PHC1: variants seen among roughly 807,000 people sequenced by gnomAD.
The protein encoded by PHC1 is polyhomeotic homolog 1.
A neutral mutation model predicts 104.3 loss-of-function variants in PHC1; 12 were observed. The observed-to-expected ratio is 0.12, with a 90% CI of 0.07 to 0.19. PHC1 has a LOEUF of 0.19. Ranked by LOEUF, PHC1 falls within the 10% of genes least tolerant of loss-of-function variation. The pLI, the probability that PHC1 is intolerant of heterozygous loss-of-function variation, is 1.00. For missense variants in PHC1, 671 were observed against 1,200.0 expected (o/e 0.56, Z 6.51); for synonymous variants, 302 against 455.8 (o/e 0.66, Z 4.30).
chr12:8,922,868 GC>G, intron 6 of PHC1, 80 bp downstream of exon 6: 1 of 1,243,068 alleles, frequency 8.0e-7, no homozygotes, highest in Non-Finnish European at 1.1e-6. Context: ...CCACCCTTCT[GC>G]CCCATTACAC....
At chr12:8,938,785 A>G (rs1471630928) in intron 14 of PHC1, among the ~76,000 whole-genome samples, 2 of 151,920 alleles carry the variant, frequency 1.3e-5, no homozygotes. Context: ...TGGTTGAACA[A>G]TTTAGTTGCT....
At chr12:8,927,738 A>T (rs761298138) in intron 6 of PHC1, among the ~76,000 whole-genome samples, 1 of 152,294 alleles carries the variant, frequency 6.6e-6, no homozygotes, top group South Asian at 2.1e-4. Context: ...AGATAATATT[A>T]TGTGCTCTAG....
Position 8,939,472 on chromosome 12 carries a change from G to T in PHC1, c.*13G>T. The T allele has an allele frequency of 6.9e-7, 1 of 1,446,028 alleles. No homozygotes were observed. Among genetic ancestry groups the T allele is most frequent in the Non-Finnish European group, 9.5e-7 (1 of 1,056,444 alleles). 89.6% of individuals were successfully genotyped at this position (1,446,028 alleles called of 1,614,324 possible). On this transcript the variant is annotated 3_prime_UTR_variant, in exon 15 of 15. Transcript: ENST00000544916. ...CAAGGAGACCTAAGGTGGCCCTCTT[G>T]CACAAACCAGCCTAAGGCAGACACT... is the stretch of plus-strand genomic sequence containing the variant.
intron 7 of PHC1, among the ~76,000 whole-genome samples, chr12:8,931,529 G>A (rs986014055): frequency 2.6e-5 from 4 of 152,104 alleles, no homozygotes; most frequent in South Asian, 4.1e-4. Flanking sequence ...GTGAAACCCC[G>A]TCTCTACTAA....
At chr12:8,931,259 A>G (rs1327290726) in intron 7 of PHC1, among the ~76,000 whole-genome samples, 1 of 152,204 alleles carries the variant, frequency 6.6e-6, no homozygotes, top group Non-Finnish European at 1.5e-5. Flanking sequence ...TTTTCTAGGA[A>G]TTACTGGGGA....
At chr12:8,916,498 A>AT (rs1372308408) in intron 1 of PHC1, among the ~76,000 whole-genome samples, 2 of 152,156 alleles carry the variant, frequency 1.3e-5, no homozygotes, top group Non-Finnish European at 2.9e-5. Flanking sequence ...TAGCTTAACA[A>AT]AAGAGAAAAA....
chr12:8,930,819 A>G lies in PHC1; in HGVS notation c.997A>G (p.Ser333Gly), dbSNP rs1167045343. Residue 333 changes from serine (S) to glycine (G), a missense_variant, in exon 7 of 15, where the codon AGT (serine) becomes GGT (glycine). Physicochemically the swap from Ser to Gly is moderately conservative, Grantham distance 56. Transcript: ENST00000544916. The stretch of plus-strand genomic sequence containing the variant: ...CCAGGGCAGCCAGACAGAGGCAGAA[A>G]GTGCAGCAGCCAAGAAGGCAGAAGC... ...VSQGSQTEAE[S>G]AAAKKAEADG... The G allele has an allele frequency of 2.6e-6, 4 of 1,546,380 alleles. No individual in the cohort carries two copies. The highest frequency in any genetic ancestry group is 1.4e-5 in the African/African-American group (1 of 73,636).
intron 6 of PHC1, among the ~76,000 whole-genome samples, chr12:8,927,905 C>CT (rs1945571145): frequency 1.0e-5 from 1 of 100,460 alleles, no homozygotes; most frequent in Non-Finnish European, 1.9e-5. Context: ...TTCTTTCTTT[C>CT]TTTCTTTCTT....
chr12:8,930,732 T>A lies in PHC1; in HGVS notation c.910T>A (p.Cys304Ser). The change falls in exon 7 of 15, where the codon TGT becomes AGT. Residue 304 changes from cysteine to serine, a missense_variant. Around this residue, in one of 9 missense-constraint regions of PHC1, gnomAD observed 78 missense variants for 140.8 expected, o/e 0.55. Transcript: ENST00000544916. Reference protein sequence around the residue: ...LPSSGMGGGSCPRKGTGVVQP... With the variant: ...LPSSGMGGGSSPRKGTGVVQP... Reference sequence around the variant, plus strand: ...TTCCTCAGGAATGGGTGGTGGGAGCTGTCCCAGAAAGGGTACAGGAGTGGT... The same window carrying A: ...TTCCTCAGGAATGGGTGGTGGGAGCAGTCCCAGAAAGGGTACAGGAGTGGT... 7.9e-7 allele frequency: 1 copy of A among 1,261,798 alleles called. No homozygotes were observed. Among genetic ancestry groups the A allele is most frequent in the Non-Finnish European group, 1.1e-6 (1 of 902,556 alleles). 78.2% of individuals were successfully genotyped at this position (1,261,798 alleles called of 1,614,324 possible).
At position 8,919,727 on chromosome 12, in the gene PHC1, T is replaced by G. The variant is rs1219695773; in HGVS notation, c.115-29T>G. On this transcript the variant is annotated intron_variant, in intron 2 of 14. Transcript: ENST00000544916. This position sits in a 1 kb window ranked among gnomAD's most constrained non-coding sequence, Gnocchi z 4.9. ...AGAATAGGAGCTAGGAGTGGTCCAT[T>G]CTAAATGTTTTATCCTCTCTTTTCC... The G allele has an allele frequency of 6.3e-7, 1 of 1,598,988 alleles. No individual in the cohort carries two copies. The highest frequency in any genetic ancestry group is 1.3e-5 in the African/African-American group (1 of 74,716).
chr12:8,919,658 G>A lies in PHC1; in HGVS notation c.115-98G>A, dbSNP rs1285297638. On this transcript the variant is annotated intron_variant, in intron 2 of 14. Coordinates refer to ENST00000544916, the MANE Select transcript of PHC1 (RefSeq NM_004426.3). This position sits in a 1 kb window ranked among gnomAD's most constrained non-coding sequence, Gnocchi z 4.9. ...CAAACTCCCATCTCCTCTGGTTTCT[G>A]TCCTTCCCATGGCCCCCTTTCACAC... The A allele has an allele frequency of 3.2e-6, 4 of 1,235,108 alleles. No homozygotes were observed. Among genetic ancestry groups the A allele is most frequent in the Non-Finnish European group, 2.3e-6 (2 of 878,038 alleles). The allele number at this position is 1,235,108 out of a possible 1,614,324, so 76.5% of individuals were successfully genotyped here. A position where few individuals can be genotyped will look rare whatever the true frequency, so the allele number is the denominator to read the frequency against.
At chr12:8,918,456 A>G (rs1217483919) in intron 2 of PHC1, among the ~76,000 whole-genome samples, 4 of 152,062 alleles carry the variant, frequency 2.6e-5, no homozygotes, top group Non-Finnish European at 5.9e-5. Flanking sequence ...CCTTTACTGT[A>G]TACCTAAAAT....
At chr12:8,913,906 G>C (rs945445408), upstream of PHC1, 1 of 152,246 alleles carries the variant, frequency 6.6e-6, no homozygotes, top group African/African-American at 2.4e-5. Flanking sequence ...CTCCTAATGG[G>C]TTAGCTGTTT....
At chr12:8,929,871 C>G (rs762465574) in intron 6 of PHC1, among the ~76,000 whole-genome samples, 6 of 152,164 alleles carry the variant, frequency 3.9e-5, no homozygotes, top group Non-Finnish European at 7.3e-5. Flanking sequence ...TTATCAATAT[C>G]TTTAAACCCC....
chr12:8,923,830 A>AG lies in PHC1; in HGVS notation c.612+1042_612+1043insG, dbSNP rs1411672214. Among the ~76,000 whole-genome samples the AG allele has an allele frequency of 3.6e-4, 3 of 8,388 alleles. No homozygotes were observed. The Admixed American group carries it at 0.01, about 29-fold the overall frequency. 5.5% of individuals were successfully genotyped at this position (8,388 alleles called of 152,430 possible). On this transcript the variant is annotated intron_variant, in intron 6 of 14. Coordinates refer to ENST00000544916, the MANE Select transcript of PHC1 (RefSeq NM_004426.3). ...GGGCGACAGAGCGAGACTCCGTCTC[A>AG]AAAAAAAAAAAAAAAAGAAAATATT...
Position 8,932,550 on chromosome 12 carries a change from A to G in PHC1, c.1106-13A>G. ...TTTTTTCTCTCTGTTGTATTCTGGGATTGTTCCTATAGCCACCTACACACA... is the reference window on the plus strand; with the variant it reads ...TTTTTTCTCTCTGTTGTATTCTGGGGTTGTTCCTATAGCCACCTACACACA... On this transcript the variant is annotated splice_polypyrimidine_tract_variant and intron_variant, in intron 7 of 14. Coordinates refer to ENST00000544916, the MANE Select transcript of PHC1 (RefSeq NM_004426.3). 2.5e-6 allele frequency: 4 copies of G among 1,611,418 alleles called. No homozygotes were observed. Among genetic ancestry groups the G allele is most frequent in the Non-Finnish European group, 3.4e-6 (4 of 1,177,686 alleles).
chr12:8,929,180 A>G (rs749408402), intron 6 of PHC1, among the ~76,000 whole-genome samples: 26 of 152,266 alleles, frequency 1.7e-4, no homozygotes, highest in Non-Finnish European at 3.8e-4. Context: ...ATTTTGATTA[A>G]TAAGCTTTAT....
intron 9 of PHC1, 95 bp downstream of exon 9, chr12:8,934,107 GC>G: frequency 6.9e-7 from 1 of 1,449,980 alleles, no homozygotes; most frequent in Non-Finnish European, 9.6e-7. Flanking sequence ...TAGAAAATGG[GC>G]CAGAAGTTGG....
chr12:8,918,682 G>A (rs1339383269), intron 2 of PHC1, among the ~76,000 whole-genome samples: 1 of 151,922 alleles, frequency 6.6e-6, no homozygotes, highest in Non-Finnish European at 1.5e-5. Context: ...ATTTTCACCC[G>A]ATCTAGTCTT....
Sources: allele counts gnomAD v4.1 joint callset (sites outside exome capture counted in the v4.1 genomes callset), GRCh38; gene constraint gnomAD v4.1.1; regional missense constraint gnomAD v4.1.1; non-coding constraint Gnocchi (gnomAD v3.1); transcripts MANE v1.5; gene names NCBI Gene and HGNC (gene_info 2026-07-23, HGNC 2026-07-21).